TRAPPC9: variants seen among roughly 807,000 people sequenced by gnomAD.
TRAPPC9 encodes the protein trafficking protein particle complex subunit 9.
In TRAPPC9, 83 loss-of-function variants were observed where a neutral mutation model predicts 124.0. The observed-to-expected ratio is 0.67, with a 90% CI of 0.56 to 0.80. TRAPPC9 has a LOEUF of 0.80. Ranked by LOEUF, TRAPPC9 falls within the 30% of genes least tolerant of loss-of-function variation. The pLI, the probability that TRAPPC9 is intolerant of heterozygous loss-of-function variation, is 0.00. For synonymous variants in TRAPPC9, 638 were observed against 617.5 expected, an observed-to-expected ratio of 1.03 and a Z score of -0.49; for missense variants, 1,302 against 1,508.3, an observed-to-expected ratio of 0.86 and a Z score of 2.27.
chr8:140,188,915 C>CT (rs1287044196), intron 17 of TRAPPC9, among the ~76,000 whole-genome samples: 2 of 152,202 alleles, frequency 1.3e-5, no homozygotes, highest in Admixed American at 1.3e-4. Flanking sequence ...CCTGAATGGC[C>CT]AACAGGCAGC....
intron 18 of TRAPPC9, among the ~76,000 whole-genome samples, chr8:139,990,076 G>A (rs77818052): frequency 1.3e-3 from 196 of 152,282 alleles, no homozygotes; most frequent in African/African-American, 4.6e-3. Context: ...ATTATTATCA[G>A]CCTAGTGTGA....
chr8:140,280,367 A>G (rs1305041448), intron 14 of TRAPPC9, among the ~76,000 whole-genome samples: 1 of 152,212 alleles, frequency 6.6e-6, no homozygotes, highest in Non-Finnish European at 1.5e-5. Context: ...TTAAGTATGC[A>G]ATGCAATCAT....
chr8:140,206,747 A>G (rs1304995355), intron 17 of TRAPPC9, among the ~76,000 whole-genome samples: 1 of 149,898 alleles, frequency 6.7e-6, no homozygotes, highest in Non-Finnish European at 1.5e-5. Context: ...ACACACATAC[A>G]TATACATACA....
intron 17 of TRAPPC9, among the ~76,000 whole-genome samples, chr8:140,177,307 A>G (rs1413584109): frequency 6.6e-6 from 1 of 152,160 alleles, no homozygotes; most frequent in Non-Finnish European, 1.5e-5. Flanking sequence ...ATTTTGATCT[A>G]ATTTTTATAT....
intron 20 of TRAPPC9, among the ~76,000 whole-genome samples, chr8:139,903,956 A>G (rs1057471460): frequency 6.6e-6 from 1 of 151,826 alleles, no homozygotes; most frequent in African/African-American, 2.4e-5. Flanking sequence ...GTTGCAGTGA[A>G]CCTCTCTGCA....
chr8:140,127,119 A>G (rs923209461), intron 17 of TRAPPC9, among the ~76,000 whole-genome samples: 2 of 152,238 alleles, frequency 1.3e-5, no homozygotes, highest in African/African-American at 2.4e-5. Context: ...GGCTCTGGAA[A>G]TTAAGATGGT....
chr8:140,427,585 T>C (rs541441605), intron 4 of TRAPPC9, among the ~76,000 whole-genome samples: 4 of 152,342 alleles, frequency 2.6e-5, no homozygotes, highest in African/African-American at 7.2e-5. Flanking sequence ...AACTTCTCTA[T>C]AGAATGCAAT....
At chr8:139,869,449 CAT>C (rs769951766) in intron 21 of TRAPPC9, among the ~76,000 whole-genome samples, 6 of 152,226 alleles carry the variant, frequency 3.9e-5, no homozygotes, top group Non-Finnish European at 7.3e-5. Context: ...GGGACACACA[CAT>C]GTCACATCAA....
chr8:140,110,239 C>A, intron 17 of TRAPPC9, among the ~76,000 whole-genome samples: 1 of 140,972 alleles, frequency 7.1e-6, no homozygotes, highest in Admixed American at 7.0e-5. Flanking sequence ...AGCAGCTCCC[C>A]CTGTAGCAGC....
At chr8:140,410,715 C>T (rs984177237) in intron 5 of TRAPPC9, among the ~76,000 whole-genome samples, 1 of 151,734 alleles carries the variant, frequency 6.6e-6, no homozygotes, top group Non-Finnish European at 1.5e-5. Flanking sequence ...TGGTGGCGGG[C>T]ACCTGTAGTC....
chr8:140,043,385 T>G (rs764190244), intron 17 of TRAPPC9, among the ~76,000 whole-genome samples: 7 of 152,218 alleles, frequency 4.6e-5, no homozygotes, highest in African/African-American at 7.2e-5. Context: ...ATTCCCATTC[T>G]CCAGGTGAGG....
chr8:139,889,476 A>G (rs181087659), intron 20 of TRAPPC9, among the ~76,000 whole-genome samples: 1 of 152,318 alleles, frequency 6.6e-6, no homozygotes, highest in East Asian at 1.9e-4. Flanking sequence ...AGGAGTGCTC[A>G]GTCCCTGAGG....
chr8:140,140,213 C>A (rs1204595356), intron 17 of TRAPPC9, among the ~76,000 whole-genome samples: 1 of 152,202 alleles, frequency 6.6e-6, no homozygotes, highest in African/African-American at 2.4e-5. Context: ...GAGCGGCTCT[C>A]TCCTTTGTCT....
chr8:139,817,079 C>CACACACACACACACACACAT (rs376187685), intron 21 of TRAPPC9, among the ~76,000 whole-genome samples: 1 of 151,090 alleles, frequency 6.6e-6, no homozygotes, highest in Non-Finnish European at 1.5e-5. Flanking sequence ...CACACACACA[C>CACACACACACACACACACAT]CAGCCACTGC....
At chr8:140,047,512 A>G (rs1276938454) in intron 17 of TRAPPC9, among the ~76,000 whole-genome samples, 1 of 152,188 alleles carries the variant, frequency 6.6e-6, no homozygotes, top group East Asian at 1.9e-4. Context: ...AAAACGAGTG[A>G]CTGCCTCGGG....
At chr8:140,229,396 G>A (rs959878640) in intron 16 of TRAPPC9, among the ~76,000 whole-genome samples, 1 of 150,530 alleles carries the variant, frequency 6.6e-6, no homozygotes, top group Non-Finnish European at 1.5e-5. Context: ...CGAGTAGCTA[G>A]GATTATGGGC....
At chr8:139,951,161 G>A (rs1834621495) in intron 19 of TRAPPC9, among the ~76,000 whole-genome samples, 1 of 152,194 alleles carries the variant, frequency 6.6e-6, no homozygotes, top group Admixed American at 6.5e-5. Flanking sequence ...GAATTGGTAT[G>A]GGAAGGAACA....
intron 17 of TRAPPC9, among the ~76,000 whole-genome samples, chr8:140,032,396 A>C (rs767670858): frequency 6.7e-6 from 1 of 149,650 alleles, no homozygotes; most frequent in South Asian, 2.2e-4. Context: ...ATACAAATGT[A>C]AACTTTTCCT....
intron 7 of TRAPPC9, among the ~76,000 whole-genome samples, chr8:140,377,302 T>C (rs1260393228): frequency 1.3e-5 from 2 of 152,216 alleles, no homozygotes; most frequent in South Asian, 2.1e-4. Context: ...CTTTTTTTTT[T>C]CTTCTCTTTT....
Sources: allele counts gnomAD v4.1 joint callset (sites outside exome capture counted in the v4.1 genomes callset), GRCh38; gene constraint gnomAD v4.1.1; transcripts MANE v1.5; gene names NCBI Gene and HGNC (gene_info 2026-07-23, HGNC 2026-07-21).